The following ASTN2 variants were observed in gnomAD, a reference collection of about 807,000 sequenced individuals.
ASTN2 encodes the protein astrotactin 2.
A neutral mutation model predicts 139.8 loss-of-function variants in ASTN2; 54 were observed. The observed-to-expected ratio is 0.39, with a 90% CI of 0.31 to 0.48. The LOEUF (loss-of-function observed/expected upper bound fraction) is 0.48. Among genes scored for constraint, ASTN2 ranks in the 20% least tolerant of loss-of-function variants. The pLI is 0.95. For synonymous variants in ASTN2, 756 were observed against 719.5 expected, an observed-to-expected ratio of 1.05 and a Z score of -0.81; for missense variants, 1,565 against 1,725.1, an observed-to-expected ratio of 0.91 and a Z score of 1.64.
intron 10 of ASTN2, among the ~76,000 whole-genome samples, chr9:116,895,664 T>A (rs563913792): frequency 1.3e-5 from 2 of 152,210 alleles, no homozygotes; most frequent in Non-Finnish European, 2.9e-5. Context: ...AAATGAAGAC[T>A]GTATTGATTT....
chr9:116,560,706 C>T lies in ASTN2; in HGVS notation c.3355+57618G>A, dbSNP rs75082430. Among the ~76,000 whole-genome samples, 500 of 152,278 alleles carry T rather than the reference C, an allele frequency of 3.3e-3. 1 individual carries two copies. Among genetic ancestry groups the T allele is most frequent in the Non-Finnish European group, 5.0e-3 (343 of 68,026 alleles). ...TCAGAGCTATGCCATATCCTCTTGA[C>T]ATATCTGTCTTTAACCTCTAGCAAA... On this transcript the variant is annotated intron_variant, in intron 19 of 22. Coordinates refer to ENST00000313400, the MANE Select transcript of ASTN2 (RefSeq NM_001365068.1).
At chr9:116,958,059 G>C (rs1474245546) in intron 10 of ASTN2, among the ~76,000 whole-genome samples, 1 of 152,200 alleles carries the variant, frequency 6.6e-6, no homozygotes, top group African/African-American at 2.4e-5. Context: ...GGAAGCATGT[G>C]ATGTTGATTT....
intron 20 of ASTN2, among the ~76,000 whole-genome samples, chr9:116,467,954 C>T (rs1030574203): frequency 2.6e-5 from 4 of 152,192 alleles, no homozygotes; most frequent in African/African-American, 7.2e-5. Flanking sequence ...CACTGCCTGG[C>T]CACACAACGT....
chr9:117,408,498 T>C (rs901835517), intron 1 of ASTN2, among the ~76,000 whole-genome samples: 4 of 152,142 alleles, frequency 2.6e-5, no homozygotes, highest in African/African-American at 9.7e-5. Context: ...ACATCACACA[T>C]ATTCACAATG....
intron 19 of ASTN2, among the ~76,000 whole-genome samples, chr9:116,537,570 T>C (rs987745547): frequency 2.6e-5 from 4 of 152,202 alleles, no homozygotes; most frequent in Non-Finnish European, 5.9e-5. Flanking sequence ...GGTGAATAAT[T>C]AAAATTTGGT....
intron 19 of ASTN2, among the ~76,000 whole-genome samples, chr9:116,589,318 C>T (rs1005367714): frequency 6.6e-6 from 1 of 152,186 alleles, no homozygotes; most frequent in Admixed American, 6.5e-5. Context: ...ATCATGTAGA[C>T]AACTTCAAAA....
At chr9:116,616,720 C>T (rs964994836) in intron 19 of ASTN2, among the ~76,000 whole-genome samples, 5 of 151,952 alleles carry the variant, frequency 3.3e-5, no homozygotes, top group Admixed American at 3.3e-4. Context: ...TTTCATTTCC[C>T]TTGGTTATCT....
chr9:116,513,376 A>G (rs1850491095), intron 19 of ASTN2, among the ~76,000 whole-genome samples: 1 of 152,180 alleles, frequency 6.6e-6, no homozygotes, highest in South Asian at 2.1e-4. Flanking sequence ...ATCAGCTGTT[A>G]GTCTGGTGGG....
At chr9:116,790,026 A>G (rs1830489329) in intron 13 of ASTN2, among the ~76,000 whole-genome samples, 1 of 149,486 alleles carries the variant, frequency 6.7e-6, no homozygotes, top group Admixed American at 6.7e-5. Flanking sequence ...CCCTGGTTCA[A>G]GCGATTCTCC....
chr9:116,994,016 G>C (rs1037222477), intron 7 of ASTN2, among the ~76,000 whole-genome samples: 1 of 151,450 alleles, frequency 6.6e-6, no homozygotes, highest in African/African-American at 2.4e-5. Context: ...TGGTTAAATT[G>C]GGTGCTTGAT....
intron 5 of ASTN2, among the ~76,000 whole-genome samples, chr9:117,060,156 C>CA: frequency 6.6e-6 from 1 of 151,368 alleles, no homozygotes; most frequent in South Asian, 2.1e-4. Flanking sequence ...ACTAAAAATA[C>CA]AAAAATTAGC....
intron 5 of ASTN2, among the ~76,000 whole-genome samples, chr9:117,045,476 C>T (rs1382775857): frequency 6.6e-6 from 1 of 152,028 alleles, no homozygotes; most frequent in Admixed American, 6.6e-5. Flanking sequence ...AATTAATAAT[C>T]TAATTTTCCT....
intron 3 of ASTN2, among the ~76,000 whole-genome samples, chr9:117,182,663 C>A (rs1052524302): frequency 1.3e-5 from 2 of 152,152 alleles, no homozygotes; most frequent in South Asian, 4.1e-4. Context: ...CAATCACTTT[C>A]GGTGGTATAT....
At chr9:116,805,051 C>T (rs533563801) in intron 13 of ASTN2, among the ~76,000 whole-genome samples, 13 of 145,900 alleles carry the variant, frequency 8.9e-5, no homozygotes, top group South Asian at 8.8e-4. Context: ...CCAACCTAGC[C>T]GTCACTCACT....
intron 1 of ASTN2, among the ~76,000 whole-genome samples, chr9:117,367,852 AG>A (rs951959893): frequency 6.6e-6 from 1 of 152,156 alleles, no homozygotes; most frequent in Non-Finnish European, 1.5e-5. Flanking sequence ...TGGAGGAAGG[AG>A]GGACTTTAGG....
chr9:116,697,943 T>C lies in ASTN2; in HGVS notation c.2806+27828A>G, dbSNP rs780799984. On this transcript the variant is annotated intron_variant, in intron 16 of 22. Transcript: ENST00000313400. ...TCCGCTGTCCCTTTTGCAGCAAGAT[T>C]ACCCGCATAACCAGCTTGACCCAGC... is the stretch of plus-strand genomic sequence containing the variant. 135 of 1,614,188 alleles carry C rather than the reference T, an allele frequency of 8.4e-5. 1 individual carries two copies. In the South Asian group the frequency reaches 8.9e-4, roughly 11 times the overall value.
At chr9:117,201,108 T>C (rs538964290) in intron 3 of ASTN2, among the ~76,000 whole-genome samples, 2 of 150,266 alleles carry the variant, frequency 1.3e-5, no homozygotes, top group South Asian at 2.1e-4. Context: ...CTTTGTAGGG[T>C]GTATGCATCC....
At position 117,323,109 on chromosome 9, in the gene ASTN2, A is replaced by T. The variant is rs981512858; in HGVS notation, c.443-31596T>A. The stretch of plus-strand genomic sequence containing the variant: ...TTGACAGTCCTGGGGTCTGAAGTGT[A>T]TCCATTCCCATAGTATGTCTGGTGC... On this transcript the variant is annotated intron_variant, in intron 1 of 22. Coordinates refer to ENST00000313400, the MANE Select transcript of ASTN2 (RefSeq NM_001365068.1). 2.6e-5 allele frequency among the ~76,000 whole-genome samples: 4 copies of T among 152,108 alleles called. No individual in the cohort carries two copies. In the South Asian group the frequency reaches 8.3e-4, roughly 32 times the overall value.
At chr9:116,725,744 C>A in intron 16 of ASTN2, 27 bp downstream of exon 16, 1 of 1,605,570 alleles carries the variant, frequency 6.2e-7, no homozygotes, top group Non-Finnish European at 8.5e-7. Flanking sequence ...GCCTGGCCAC[C>A]TCCTACAGTA....
Sources: allele counts gnomAD v4.1 joint callset (sites outside exome capture counted in the v4.1 genomes callset), GRCh38; gene constraint gnomAD v4.1.1; transcripts MANE v1.5; gene names NCBI Gene and HGNC (gene_info 2026-07-23, HGNC 2026-07-21).